Variants in CCSER1 observed in about 807,000 individuals in gnomAD.
CCSER1 encodes serine-rich coiled-coil domain-containing protein 1.
CCSER1 carries 41 observed loss-of-function variants against 82.0 expected under a neutral mutation model. The observed-to-expected ratio is 0.50, with a 90% CI of 0.39 to 0.65. The LOEUF (loss-of-function observed/expected upper bound fraction) is 0.65. Among genes scored for constraint, CCSER1 ranks in the 30% least tolerant of loss-of-function variants. CCSER1 has a pLI of 0.00. For synonymous variants in CCSER1, 414 were observed against 383.9 expected, an observed-to-expected ratio of 1.08 and a Z score of -0.92; for missense variants, 1,119 against 1,064.2, an observed-to-expected ratio of 1.05 and a Z score of -0.72.
At chr4:90,733,305 T>C (rs892153994) in intron 7 of CCSER1, among the ~76,000 whole-genome samples, 1 of 152,220 alleles carries the variant, frequency 6.6e-6, no homozygotes, top group Non-Finnish European at 1.5e-5. Context: ...CACCTTTTGA[T>C]ATATGTGTTT....
At chr4:90,275,357 G>A (rs1165661359) in intron 1 of CCSER1, among the ~76,000 whole-genome samples, 3 of 151,966 alleles carry the variant, frequency 2.0e-5, no homozygotes. Context: ...ATATACATAA[G>A]GATTCATAGT....
intron 9 of CCSER1, among the ~76,000 whole-genome samples, chr4:90,924,627 T>C (rs914412594): frequency 7.2e-5 from 11 of 152,174 alleles, no homozygotes; most frequent in African/African-American, 2.4e-4. Flanking sequence ...AAAGAAATAA[T>C]TTTATGGTCC....
chr4:91,561,380 G>A (rs1449236992), intron 10 of CCSER1, among the ~76,000 whole-genome samples: 1 of 151,278 alleles, frequency 6.6e-6, no homozygotes, highest in South Asian at 2.1e-4. Context: ...TTTTCCTGGG[G>A]TTCTCTATTC....
At position 91,528,845 on chromosome 4, in the gene CCSER1, G is replaced by C. The variant is rs112138272; in HGVS notation, c.2218-69727G>C. Among the ~76,000 whole-genome samples, 107 of 152,164 alleles carry C rather than the reference G, an allele frequency of 7.0e-4. 1 individual carries two copies. The highest frequency in any genetic ancestry group is 2.5e-3 in the African/African-American group (102 of 41,474). On this transcript the variant is annotated intron_variant, in intron 10 of 10. Transcript: ENST00000509176. ...AAATACATCATTCAGAGAAAGTTATGCAGAGTGGAAATTTATCTGGGTATA... is the reference window on the plus strand; with the variant it reads ...AAATACATCATTCAGAGAAAGTTATCCAGAGTGGAAATTTATCTGGGTATA...
At chr4:91,443,999 A>G (rs1402107513) in intron 10 of CCSER1, among the ~76,000 whole-genome samples, 1 of 152,028 alleles carries the variant, frequency 6.6e-6, no homozygotes, top group Non-Finnish European at 1.5e-5. Flanking sequence ...TGGATTTCCA[A>G]GGAGAAGAAA....
At chr4:90,851,521 C>T (rs1763888904) in intron 8 of CCSER1, among the ~76,000 whole-genome samples, 1 of 150,524 alleles carries the variant, frequency 6.6e-6, no homozygotes, top group Non-Finnish European at 1.5e-5. Flanking sequence ...TGTTCCAATG[C>T]AGCCCTTGGA....
chr4:91,007,639 G>T (rs1554056147), intron 9 of CCSER1, among the ~76,000 whole-genome samples: 2 of 139,952 alleles, frequency 1.4e-5, no homozygotes, highest in Non-Finnish European at 1.5e-5. Context: ...TTTTTTCCTA[G>T]TTACTCTGGC....
intron 10 of CCSER1, among the ~76,000 whole-genome samples, chr4:91,296,467 GTA>G (rs1179567431): frequency 0.03 from 1,891 of 62,346 alleles, 85 homozygotes; most frequent in Middle Eastern, 0.15. Context: ...ATATATATAT[GTA>G]TATATATATA....
At chr4:91,081,102 C>CA (rs775927913) in intron 9 of CCSER1, among the ~76,000 whole-genome samples, 1 of 151,996 alleles carries the variant, frequency 6.6e-6, no homozygotes, top group South Asian at 2.1e-4. Context: ...AGAGACACAA[C>CA]AAAAAAAGGG....
At chr4:90,592,412 TA>T (rs1462719259) in intron 5 of CCSER1, among the ~76,000 whole-genome samples, 1 of 152,116 alleles carries the variant, frequency 6.6e-6, no homozygotes, top group African/African-American at 2.4e-5. Context: ...TTAACAGCTT[TA>T]AAAATGTTTA....
chr4:90,147,539 A>T (rs183073037), intron 1 of CCSER1, among the ~76,000 whole-genome samples: 90 of 152,298 alleles, frequency 5.9e-4, no homozygotes, highest in African/African-American at 2.0e-3. Flanking sequence ...GATTAATTTG[A>T]AAAGATAATT....
At chr4:91,460,523 C>T (rs1046997481) in intron 10 of CCSER1, among the ~76,000 whole-genome samples, 14 of 152,208 alleles carry the variant, frequency 9.2e-5, no homozygotes, top group African/African-American at 3.1e-4. Context: ...TTTTGTGTAT[C>T]TACCAGCTAG....
intron 10 of CCSER1, among the ~76,000 whole-genome samples, chr4:91,219,601 C>T (rs1318751069): frequency 6.6e-6 from 1 of 152,006 alleles, no homozygotes; most frequent in African/African-American, 2.4e-5. Flanking sequence ...CCATGCCCAG[C>T]CCAGTTTGAA....
At chr4:90,836,628 G>A (rs992333133) in intron 8 of CCSER1, among the ~76,000 whole-genome samples, 1 of 152,190 alleles carries the variant, frequency 6.6e-6, no homozygotes, top group Non-Finnish European at 1.5e-5. Context: ...GGAAGTTGTG[G>A]TATGAAGCAG....
chr4:91,524,725 T>C (rs556111133), intron 10 of CCSER1, among the ~76,000 whole-genome samples: 11 of 152,076 alleles, frequency 7.2e-5, no homozygotes, highest in Non-Finnish European at 1.6e-4. Context: ...CCAAGAGTGA[T>C]TACACCGCAG....
At chr4:90,881,280 G>T (rs1334827486) in intron 8 of CCSER1, among the ~76,000 whole-genome samples, 1 of 151,922 alleles carries the variant, frequency 6.6e-6, no homozygotes. Context: ...ACACATGCAG[G>T]AGAGGAGAGA....
chr4:90,980,897 T>C (rs991786663), intron 9 of CCSER1, among the ~76,000 whole-genome samples: 3 of 151,782 alleles, frequency 2.0e-5, no homozygotes, highest in African/African-American at 7.2e-5. Context: ...ATGAATGTTA[T>C]CTAGAATTTC....
At chr4:91,175,518 A>C (rs1175266915) in intron 10 of CCSER1, among the ~76,000 whole-genome samples, 1 of 152,162 alleles carries the variant, frequency 6.6e-6, no homozygotes, top group Non-Finnish European at 1.5e-5. Context: ...CACCATTCTA[A>C]CTGGTGTGAG....
chr4:91,559,985 G>A (rs1239236805), intron 10 of CCSER1, among the ~76,000 whole-genome samples: 1 of 151,266 alleles, frequency 6.6e-6, no homozygotes, highest in Admixed American at 6.6e-5. Flanking sequence ...ATTACTTTTT[G>A]ACAAGGCTTT....
Sources: gnomAD v4.1 joint callset for allele counts (sites outside exome capture counted in the v4.1 genomes callset) on GRCh38, gnomAD v4.1.1 for gene constraint, MANE v1.5 for transcripts, NCBI Gene and HGNC (gene_info 2026-07-23, HGNC 2026-07-21) for gene names.